NXPE2: variants seen among roughly 807,000 people sequenced by gnomAD.
The protein encoded by NXPE2 is neurexophilin and PC-esterase domain family member 2, also known as NXPE family member 2.
In NXPE2, 34 loss-of-function variants were observed where a neutral mutation model predicts 34.4. That is an observed-to-expected ratio of 0.99 (90% CI 0.75 to 1.31). The LOEUF (loss-of-function observed/expected upper bound fraction) is 1.31. NXPE2 is among the 40% of genes most tolerant of loss of function. The pLI is 0.00. For synonymous variants in NXPE2, 235 were observed against 231.3 expected, an observed-to-expected ratio of 1.02 and a Z score of -0.15; for missense variants, 649 against 672.5, an observed-to-expected ratio of 0.97 and a Z score of 0.39.
At chr11:114,697,872 C>G (rs1417472810) in intron 2 of NXPE2, among the ~76,000 whole-genome samples, 173 bp from the exon 3 acceptor site, 1 of 152,120 alleles carries the variant, frequency 6.6e-6, no homozygotes, top group Non-Finnish European at 1.5e-5. Flanking sequence ...CAGAGGAAGT[C>G]ATACTACATG....
At chr11:114,550,270 T>C in the NXPE2 span, among the ~76,000 whole-genome samples, 1 of 152,100 alleles carries the variant, frequency 6.6e-6, no homozygotes, top group Non-Finnish European at 1.5e-5. Context: ...GTATGGGGAA[T>C]AGAAAAGCCA....
chr11:114,527,506 G>T, the NXPE2 span, among the ~76,000 whole-genome samples: 2 of 152,134 alleles, frequency 1.3e-5, no homozygotes, highest in East Asian at 3.9e-4. Flanking sequence ...CAGAGAGTTA[G>T]GAAACCAAAA....
the NXPE2 span, among the ~76,000 whole-genome samples, chr11:114,465,749 A>G: frequency 2.0e-5 from 3 of 152,206 alleles, no homozygotes; most frequent in Admixed American, 6.5e-5. Context: ...GGATCATTTG[A>G]ACACTGGAAT....
chr11:114,755,231 T>C, the NXPE2 span, among the ~76,000 whole-genome samples: 2 of 152,204 alleles, frequency 1.3e-5, no homozygotes, highest in Non-Finnish European at 2.9e-5. Context: ...GGAGAGATGA[T>C]GCCTTCATTT....
At chr11:114,606,889 G>A in the NXPE2 span, among the ~76,000 whole-genome samples, 2 of 151,968 alleles carry the variant, frequency 1.3e-5, no homozygotes, top group Non-Finnish European at 2.9e-5. Context: ...ATTGCCTCAT[G>A]GGTAACCACT....
At chr11:114,609,537 TA>T in the NXPE2 span, among the ~76,000 whole-genome samples, 1 of 151,882 alleles carries the variant, frequency 6.6e-6, no homozygotes, top group Non-Finnish European at 1.5e-5. Flanking sequence ...TAACCACTGT[TA>T]CCCAATGGAT....
chr11:114,648,395 G>A, the NXPE2 span, among the ~76,000 whole-genome samples: 1 of 152,160 alleles, frequency 6.6e-6, no homozygotes, highest in South Asian at 2.1e-4. Flanking sequence ...ATTCAGGCAG[G>A]AAGAATTCTC....
the NXPE2 span, among the ~76,000 whole-genome samples, chr11:114,651,559 T>C: frequency 2.6e-5 from 4 of 152,232 alleles, no homozygotes; most frequent in Non-Finnish European, 5.9e-5. Context: ...CTGGCTTTGC[T>C]GGCCAGCCTT....
At chr11:114,792,211 T>C in the NXPE2 span, among the ~76,000 whole-genome samples, 1 of 152,200 alleles carries the variant, frequency 6.6e-6, no homozygotes. Context: ...AGAGCCCCGT[T>C]CCACCAGGGA....
chr11:114,739,741 T>C, the NXPE2 span, among the ~76,000 whole-genome samples: 3 of 152,122 alleles, frequency 2.0e-5, no homozygotes, highest in African/African-American at 7.2e-5. Flanking sequence ...CTATTTCCTC[T>C]GCTCCTTGAT....
chr11:114,528,104 C>T, the NXPE2 span, among the ~76,000 whole-genome samples: 1 of 152,112 alleles, frequency 6.6e-6, no homozygotes, highest in Non-Finnish European at 1.5e-5. Context: ...CACCTGAAGT[C>T]CAAAGCAGCT....
the NXPE2 span, among the ~76,000 whole-genome samples, chr11:114,770,787 G>C: frequency 6.6e-6 from 1 of 152,164 alleles, no homozygotes; most frequent in Non-Finnish European, 1.5e-5. Flanking sequence ...GCAGAGATTG[G>C]AGGAGAGCTA....
chr11:114,609,624 C>T, the NXPE2 span, among the ~76,000 whole-genome samples: 7 of 150,248 alleles, frequency 4.7e-5, no homozygotes, highest in Non-Finnish European at 7.4e-5. Context: ...GCATGCTTAC[C>T]CGATGGATAA....
chr11:114,595,973 A>C, the NXPE2 span, among the ~76,000 whole-genome samples: 1 of 152,202 alleles, frequency 6.6e-6, no homozygotes, highest in East Asian at 1.9e-4. Flanking sequence ...GTGTTTGATA[A>C]ATAATTGTAT....
At chr11:114,765,620 C>T in the NXPE2 span, among the ~76,000 whole-genome samples, 2 of 152,184 alleles carry the variant, frequency 1.3e-5, no homozygotes, top group East Asian at 3.9e-4. Flanking sequence ...ACCATTTTAG[C>T]TCTCCACTCC....
At chr11:114,589,091 A>C in the NXPE2 span, among the ~76,000 whole-genome samples, 3 of 152,052 alleles carry the variant, frequency 2.0e-5, no homozygotes, top group Admixed American at 6.5e-5. Flanking sequence ...GCGAGTTGCT[A>C]TTGATGTGGG....
chr11:114,617,859 T>C, the NXPE2 span, among the ~76,000 whole-genome samples: 1 of 152,078 alleles, frequency 6.6e-6, no homozygotes, highest in African/African-American at 2.4e-5. Flanking sequence ...ATAATAAGTA[T>C]TGCCTCATGG....
At chr11:114,578,480 T>C in the NXPE2 span, among the ~76,000 whole-genome samples, 4 of 152,176 alleles carry the variant, frequency 2.6e-5, no homozygotes, top group Non-Finnish European at 5.9e-5. Flanking sequence ...GATGAGGTAA[T>C]TGAGGTTTCC....
chr11:114,701,353 AGTTG>A (rs1951361586), intron 3 of NXPE2, among the ~76,000 whole-genome samples: 1 of 152,222 alleles, frequency 6.6e-6, no homozygotes, highest in Middle Eastern at 3.4e-3. Context: ...ATCCTTGCAC[AGTTG>A]CTGGCTGTGT....
Sources: gnomAD v4.1 joint callset for allele counts (sites outside exome capture counted in the v4.1 genomes callset) on GRCh38, gnomAD v4.1.1 for gene constraint, MANE v1.5 for transcripts, NCBI Gene and HGNC (gene_info 2026-07-23, HGNC 2026-07-21) for gene names.